Variants in SGCD observed in about 807,000 individuals in gnomAD.
SGCD encodes sarcoglycan delta.
A neutral mutation model predicts 36.6 loss-of-function variants in SGCD; 18 were observed. The observed-to-expected ratio is 0.49, with a 90% confidence interval of 0.34 to 0.73. The LOEUF (loss-of-function observed/expected upper bound fraction) is 0.73, where lower values mean the gene tolerates loss of function less well. Among genes scored for constraint, SGCD ranks in the 30% least tolerant of loss-of-function variants. The pLI, the probability that SGCD is intolerant of heterozygous loss-of-function variation, is 0.01. For synonymous variants in SGCD, 133 were observed against 130.6 expected (o/e 1.02, Z -0.12); for missense variants, 387 against 346.7 (o/e 1.12, Z -0.92).
At chr5:156,308,490 G>T (rs1767298283) in intron 3 of SGCD, among the ~76,000 whole-genome samples, 1 of 152,066 alleles carries the variant, frequency 6.6e-6, no homozygotes, top group Non-Finnish European at 1.5e-5. Context: ...AGTAGAGATG[G>T]GGTTTCACCG....
the SGCD span, among the ~76,000 whole-genome samples, chr5:155,776,866 C>T: frequency 1.3e-5 from 2 of 152,092 alleles, no homozygotes; most frequent in African/African-American, 2.4e-5. Flanking sequence ...AAAATCACCA[C>T]ATTATGCAAA....
At chr5:156,495,987 G>A (rs1434955223) in intron 3 of SGCD, among the ~76,000 whole-genome samples, 1 of 152,112 alleles carries the variant, frequency 6.6e-6, no homozygotes, top group Non-Finnish European at 1.5e-5. Context: ...CTCATTGGGA[G>A]TGATTTGCAA....
At chr5:155,954,926 T>C (rs912966659) in intron 1 of SGCD, among the ~76,000 whole-genome samples, 2 of 152,144 alleles carry the variant, frequency 1.3e-5, no homozygotes, top group African/African-American at 4.8e-5. Flanking sequence ...ATGGTGCAAG[T>C]TGCAGTCTGA....
At chr5:156,429,977 C>G (rs1335888735) in intron 3 of SGCD, among the ~76,000 whole-genome samples, 2 of 152,094 alleles carry the variant, frequency 1.3e-5, no homozygotes, top group African/African-American at 4.8e-5. Context: ...TTTTTCTTGA[C>G]TTTAGATAGC....
At chr5:156,299,665 C>T (rs911998250) in intron 3 of SGCD, among the ~76,000 whole-genome samples, 9 of 151,962 alleles carry the variant, frequency 5.9e-5, no homozygotes, top group Non-Finnish European at 1.5e-5. Context: ...TTTGGTTCAG[C>T]TTACTCCTAG....
intron 3 of SGCD, among the ~76,000 whole-genome samples, chr5:156,348,355 C>T (rs987984149): frequency 2.0e-5 from 3 of 152,110 alleles, no homozygotes; most frequent in Non-Finnish European, 4.4e-5. Flanking sequence ...ACCTAGAAAA[C>T]TCTAAAGGCT....
At chr5:156,067,894 C>A (rs1263426665) in intron 1 of SGCD, among the ~76,000 whole-genome samples, 1 of 129,302 alleles carries the variant, frequency 7.7e-6, no homozygotes, top group African/African-American at 4.6e-5. Context: ...CAGAAATCAC[C>A]GTCTTCTGCG....
At chr5:155,778,708 T>A in the SGCD span, among the ~76,000 whole-genome samples, 7 of 152,228 alleles carry the variant, frequency 4.6e-5, no homozygotes, top group Non-Finnish European at 1.0e-4. Flanking sequence ...AAATTGCTTT[T>A]ACTATTTTAT....
intron 1 of SGCD, among the ~76,000 whole-genome samples, chr5:156,037,437 C>A (rs1393580433): frequency 6.6e-6 from 1 of 152,190 alleles, no homozygotes; most frequent in Non-Finnish European, 1.5e-5. Context: ...TCTTTGCATT[C>A]CCCTGATGGC....
intron 3 of SGCD, among the ~76,000 whole-genome samples, chr5:156,350,800 C>T (rs985791201): frequency 1.3e-5 from 2 of 152,184 alleles, no homozygotes; most frequent in Admixed American, 6.5e-5. Flanking sequence ...GTGCTACTCA[C>T]TGTACATGGC....
At chr5:156,641,486 A>G (rs1763026170) in intron 6 of SGCD, among the ~76,000 whole-genome samples, 1 of 152,230 alleles carries the variant, frequency 6.6e-6, no homozygotes, top group African/African-American at 2.4e-5. Flanking sequence ...AATTTTTCAA[A>G]AATATTCCTG....
At position 156,644,349 on chromosome 5, in the gene SGCD, A is replaced by G. The variant is rs928823222; in HGVS notation, c.503-3115A>G. Among the ~76,000 whole-genome samples, 5 of 152,192 alleles carry G rather than the reference A, an allele frequency of 3.3e-5. No homozygotes were observed. In the East Asian group the frequency reaches 9.7e-4, roughly 29 times the overall value. ...TTTAACATGTATATAGTTTTAGGTA[A>G]TTAGTCATTTTTCATAAAATTTAAT... On this transcript the variant is annotated intron_variant, in intron 6 of 8. Transcript: ENST00000337851.
At chr5:156,696,948 ACACACACACACACAC>A (rs1754343786) in intron 7 of SGCD, among the ~76,000 whole-genome samples, 1 of 148,252 alleles carries the variant, frequency 6.7e-6, no homozygotes, top group African/African-American at 2.5e-5. Flanking sequence ...ACACACACAC[ACACACACACACACAC>A]TTCACCATAG....
chr5:156,556,877 G>A (rs753748123), intron 4 of SGCD, among the ~76,000 whole-genome samples: 13 of 152,138 alleles, frequency 8.5e-5, no homozygotes, highest in Non-Finnish European at 1.6e-4. Context: ...GCTCCAGAGA[G>A]TGACATTTAC....
At chr5:156,415,151 A>G (rs1213322621) in intron 3 of SGCD, among the ~76,000 whole-genome samples, 2 of 152,138 alleles carry the variant, frequency 1.3e-5, no homozygotes, top group Non-Finnish European at 2.9e-5. Context: ...GTTATACTCT[A>G]TCTCGTATTC....
chr5:156,374,955 C>A (rs1305181913), intron 3 of SGCD, among the ~76,000 whole-genome samples: 5 of 151,408 alleles, frequency 3.3e-5, no homozygotes, highest in Non-Finnish European at 7.4e-5. Context: ...GAATATCAAA[C>A]CTACTTACTA....
At chr5:155,820,938 A>C in the SGCD span, among the ~76,000 whole-genome samples, 6 of 152,134 alleles carry the variant, frequency 3.9e-5, no homozygotes, top group Non-Finnish European at 7.4e-5. Context: ...CAGAGAGAGC[A>C]TGGGATTGAC....
At chr5:156,315,762 T>C (rs754077111) in intron 3 of SGCD, among the ~76,000 whole-genome samples, 20 of 151,996 alleles carry the variant, frequency 1.3e-4, no homozygotes, top group Non-Finnish European at 2.5e-4. Flanking sequence ...TCCTAACAGA[T>C]GTGAGATAAC....
At chr5:156,379,059 A>G (rs1770834846) in intron 3 of SGCD, among the ~76,000 whole-genome samples, 1 of 152,110 alleles carries the variant, frequency 6.6e-6, no homozygotes, top group South Asian at 2.1e-4. Context: ...CACTTTATTC[A>G]TTTATTCTTT....
Sources: gnomAD v4.1 joint callset for allele counts (sites outside exome capture counted in the v4.1 genomes callset) on GRCh38, gnomAD v4.1.1 for gene constraint, MANE v1.5 for transcripts, NCBI Gene and HGNC (gene_info 2026-07-23, HGNC 2026-07-21) for gene names.